Variants in CHD6 observed in about 807,000 individuals in gnomAD.
CHD6 encodes ATP-dependent chromatin remodeler CHD6.
A neutral mutation model predicts 276.9 loss-of-function variants in CHD6; 50 were observed. The observed-to-expected ratio is 0.18, with a 90% CI of 0.14 to 0.23. The LOEUF (loss-of-function observed/expected upper bound fraction) is 0.23, where lower values mean the gene tolerates loss of function less well. Ranked by LOEUF, CHD6 falls within the 10% of genes least tolerant of loss-of-function variation. The pLI is 1.00. For missense variants in CHD6, 2,564 were observed against 3,365.8 expected, an observed-to-expected ratio of 0.76 and a Z score of 5.89; for synonymous variants, 1,173 against 1,229.3, an observed-to-expected ratio of 0.95 and a Z score of 0.96.
chr20:41,424,504 G>A (rs531308313), intron 29 of CHD6, among the ~76,000 whole-genome samples: 4 of 152,302 alleles, frequency 2.6e-5, no homozygotes, highest in African/African-American at 9.6e-5. Flanking sequence ...GTGCAAGAAG[G>A]AAGACATATA....
chr20:41,414,265 G>T (rs2046929245), intron 34 of CHD6: 1 of 152,198 alleles, frequency 6.6e-6, no homozygotes, highest in African/African-American at 2.4e-5. Flanking sequence ...AAGGTCCTTG[G>T]TTTGGTTTCC....
chr20:41,483,827 C>T (rs1404712086), intron 15 of CHD6, among the ~76,000 whole-genome samples: 4 of 152,154 alleles, frequency 2.6e-5, no homozygotes, highest in Non-Finnish European at 5.9e-5. Flanking sequence ...GACTTTCATA[C>T]CTCTTGACAT....
At chr20:41,535,425 T>C (rs1422679266) in intron 2 of CHD6, among the ~76,000 whole-genome samples, 3 of 152,238 alleles carry the variant, frequency 2.0e-5, no homozygotes, top group Admixed American at 1.3e-4. Flanking sequence ...CAAGGCTATA[T>C]GGCTACTGAG....
chr20:41,546,781 T>C (rs953452143), intron 2 of CHD6, among the ~76,000 whole-genome samples: 1 of 152,250 alleles, frequency 6.6e-6, no homozygotes, highest in African/African-American at 2.4e-5. Flanking sequence ...AGCAGTTTAG[T>C]TCTTTTTAAT....
chr20:41,522,764 C>T (rs1355556841), intron 3 of CHD6, among the ~76,000 whole-genome samples: 1 of 151,928 alleles, frequency 6.6e-6, no homozygotes, highest in Non-Finnish European at 1.5e-5. Context: ...ACGTCTATTC[C>T]ACTGCAGAAG....
intron 1 of CHD6, among the ~76,000 whole-genome samples, chr20:41,583,138 A>C (rs1367390420): frequency 6.6e-6 from 1 of 152,190 alleles, no homozygotes; most frequent in African/African-American, 2.4e-5. Flanking sequence ...TCACAGCTCC[A>C]AGAAGCCCAG....
chr20:41,481,117 A>AT (rs2043285386), intron 16 of CHD6, among the ~76,000 whole-genome samples: 1 of 151,124 alleles, frequency 6.6e-6, no homozygotes, highest in African/African-American at 2.4e-5. Context: ...AAAAAGAAAA[A>AT]AAAATATATA....
intron 36 of CHD6, among the ~76,000 whole-genome samples, chr20:41,411,108 G>A (rs908221192): frequency 3.9e-5 from 6 of 152,092 alleles, no homozygotes; most frequent in African/African-American, 7.2e-5. Flanking sequence ...CTTCTCCAAC[G>A]TGACAAACTG....
At chr20:41,418,787 T>A (rs1232872409) in intron 31 of CHD6, among the ~76,000 whole-genome samples, 3 of 152,076 alleles carry the variant, frequency 2.0e-5, no homozygotes, top group Non-Finnish European at 2.9e-5. Context: ...CCTTCCAGGG[T>A]CTGCAAAAGC....
At chr20:41,586,236 G>A (rs774060780) in intron 1 of CHD6, among the ~76,000 whole-genome samples, 2 of 152,064 alleles carry the variant, frequency 1.3e-5, no homozygotes, top group African/African-American at 4.8e-5. Flanking sequence ...CTGAGCTTTC[G>A]CTCCCTGTCA....
At chr20:41,459,404 C>T (rs1343792303) in intron 17 of CHD6, 1 of 152,296 alleles carries the variant, frequency 6.6e-6, no homozygotes, top group Non-Finnish European at 1.5e-5. Flanking sequence ...GTCCTCCTTG[C>T]AATAAGAAAG....
At chr20:41,572,194 T>C (rs1044318046) in intron 1 of CHD6, among the ~76,000 whole-genome samples, 2 of 152,214 alleles carry the variant, frequency 1.3e-5, no homozygotes, top group Non-Finnish European at 2.9e-5. Flanking sequence ...ATGCTAAACC[T>C]GGTCAGCAGA....
At chr20:41,602,066 T>C (rs541643321) in intron 1 of CHD6, among the ~76,000 whole-genome samples, 4 of 152,322 alleles carry the variant, frequency 2.6e-5, no homozygotes, top group African/African-American at 4.8e-5. Flanking sequence ...TCTTCCACTT[T>C]CCTAATGAAA....
intron 13 of CHD6, 26 bp downstream of exon 13, chr20:41,488,402 T>A: frequency 6.3e-7 from 1 of 1,584,402 alleles, no homozygotes; most frequent in Non-Finnish European, 8.6e-7. Flanking sequence ...GAACCTGTGT[T>A]TATGTAAAGA....
Position 41,404,465 on chromosome 20 carries a change from C to A in CHD6, c.*128G>T. 1 of 1,371,686 alleles carries A rather than the reference C, an allele frequency of 7.3e-7. No individual in the cohort carries two copies. Among genetic ancestry groups the A allele is most frequent in the Non-Finnish European group, 9.4e-7 (1 of 1,060,812 alleles). The allele number at this position is 1,371,686 out of a possible 1,614,324, so 85.0% of individuals were successfully genotyped here. On this transcript the variant is annotated 3_prime_UTR_variant, in exon 37 of 37. Coordinates refer to ENST00000373233, the MANE Select transcript of CHD6 (RefSeq NM_032221.5). ...AACATCTGTTACCATAGTTCTCAGACAGGAAATCAGGTACGTAATCTTACT... is the reference window on the plus strand; with the variant it reads ...AACATCTGTTACCATAGTTCTCAGAAAGGAAATCAGGTACGTAATCTTACT...
At chr20:41,435,232 C>T (rs1219273693) in intron 27 of CHD6, among the ~76,000 whole-genome samples, 1 of 152,058 alleles carries the variant, frequency 6.6e-6, no homozygotes, top group African/African-American at 2.4e-5. Context: ...GGGAAATTTA[C>T]AGCACTAAAT....
At chr20:41,549,109 G>A (rs567436372) in intron 2 of CHD6, among the ~76,000 whole-genome samples, 1 of 151,840 alleles carries the variant, frequency 6.6e-6, no homozygotes, top group African/African-American at 2.4e-5. Context: ...TCTAGAACTA[G>A]AAATACCATT....
rs1265396216 is a variant in CHD6 at position 41,404,656 on chromosome 20, C to G, written c.8085G>C (p.Glu2695Asp). 6.5e-7 allele frequency: 1 copy of G among 1,532,840 alleles called. No homozygotes were observed. Among genetic ancestry groups the G allele is most frequent in the East Asian group, 2.3e-5 (1 of 44,106 alleles). 95.0% of individuals were successfully genotyped at this position (1,532,840 alleles called of 1,614,324 possible). A position where few individuals can be genotyped will look rare whatever the true frequency, so the allele number is the denominator to read the frequency against. Reference protein sequence around the residue: ...CAEPSAPLPAEREHGAQAGEG... With the variant: ...CAEPSAPLPADREHGAQAGEG... ...CCCCAGCCTGTGCCCCATGTTCTCT[C>G]TCTGCGGGCAAAGGGGCACTGGGTT... is the stretch of plus-strand genomic sequence containing the variant. Residue 2695 changes from glutamate to aspartate, a missense_variant, in exon 37 of 37, where the codon GAG becomes GAC. Around this residue, in one of 7 missense-constraint regions of CHD6, gnomAD observed 238 missense variants for 266.0 expected, o/e 0.89. Transcript: ENST00000373233.
At chr20:41,419,589 A>C (rs1165462781) in intron 31 of CHD6, among the ~76,000 whole-genome samples, 1 of 139,170 alleles carries the variant, frequency 7.2e-6, no homozygotes, top group Non-Finnish European at 1.5e-5. Flanking sequence ...AAAAAAAAAA[A>C]AAGGCTAGAT....
Sources: gnomAD v4.1 joint callset for allele counts (sites outside exome capture counted in the v4.1 genomes callset) on GRCh38, gnomAD v4.1.1 for gene constraint, gnomAD v4.1.1 regional missense constraint, MANE v1.5 for transcripts, NCBI Gene and HGNC (gene_info 2026-07-23, HGNC 2026-07-21) for gene names.